ZDHHC9: variants seen among roughly 807,000 people sequenced by gnomAD.
ZDHHC9 encodes zDHHC palmitoyltransferase 9.
A neutral mutation model predicts 26.6 loss-of-function variants in ZDHHC9; 3 were observed. That is an observed-to-expected ratio of 0.11 (90% CI 0.05 to 0.29). The LOEUF is 0.29. Ranked by LOEUF, ZDHHC9 falls within the 10% of genes least tolerant of loss-of-function variation. The probability of loss-of-function intolerance (pLI) is 1.00; values close to 1 mark genes in which losing one functional copy is unlikely to be tolerated. For synonymous variants in ZDHHC9, 111 were observed against 109.4 expected, an observed-to-expected ratio of 1.01 and a Z score of -0.09; for missense variants, 146 against 296.4, an observed-to-expected ratio of 0.49 and a Z score of 3.73.
chrX:129,842,056 A>G lies in ZDHHC9; in HGVS notation c.-111T>C. 1 of 1,002,488 alleles carries G rather than the reference A, an allele frequency of 1.0e-6. No individual in the cohort carries two copies. The highest frequency in any genetic ancestry group is 1.9e-5 in the South Asian group (1 of 51,538). The allele number at this position is 1,002,488 out of a possible 1,213,427, so 82.6% of individuals were successfully genotyped here. ...TGCTATTCCTGCCGCTGGGTCAAAC[A>G]TCATCAAAAGTCCAATTGCTAGCCC... On this transcript the variant is annotated 5_prime_UTR_variant, in exon 3 of 11. It removes an upstream start codon present in the reference 5' UTR. Transcript: ENST00000357166.
intron 5 of ZDHHC9, 127 bp from the exon 6 acceptor site, chrX:129,814,922 T>G (rs1927725884): frequency 6.2e-6 from 1 of 161,900 alleles, no homozygotes; most frequent in Non-Finnish European, 9.4e-6. Context: ...AAATATAGGG[T>G]TTTTTTTTTT....
chrX:129,843,072 C>A (rs1239189696), intron 2 of ZDHHC9, among the ~76,000 whole-genome samples, 187 bp downstream of exon 2: 2 of 112,597 alleles, frequency 1.8e-5, no homozygotes, highest in African/African-American at 6.5e-5. Context: ...ATGCCCCACG[C>A]TGGCAGGACT....
intron 4 of ZDHHC9, among the ~76,000 whole-genome samples, chrX:129,826,986 G>A (rs1015055904): frequency 3.6e-5 from 4 of 111,403 alleles, no homozygotes; most frequent in African/African-American, 1.3e-4. Context: ...TTGAGGTCGG[G>A]AGTTCAAGAC....
At chrX:129,817,921 C>G (rs1012320027) in intron 5 of ZDHHC9, among the ~76,000 whole-genome samples, 1 of 111,629 alleles carries the variant, frequency 9.0e-6, no homozygotes, top group South Asian at 3.7e-4. Context: ...AATGATGCTA[C>G]GAACACTGGC....
chrX:129,835,446 C>CAA (rs59940283), intron 3 of ZDHHC9, among the ~76,000 whole-genome samples: 67 of 54,219 alleles, frequency 1.2e-3, no homozygotes, highest in African/African-American at 3.6e-3. Flanking sequence ...GACCCTATCT[C>CAA]AAAAAAAAAA....
At position 129,803,316 on chromosome X, in the gene ZDHHC9, T is replaced by G. The variant is rs1317739261; in HGVS notation, c.*3054A>C. ...AAAGAAACAGACAGCCCTGTATTTC[T>G]AAAACCATTCAAGGCTCCTTCATTA... On this transcript the variant is annotated 3_prime_UTR_variant, in exon 11 of 11. Coordinates refer to ENST00000357166, the MANE Select transcript of ZDHHC9 (RefSeq NM_016032.4). The G allele has an allele frequency of 8.9e-6, 1 of 111,948 alleles. No homozygotes were observed. Among genetic ancestry groups the G allele is most frequent in the Non-Finnish European group, 1.9e-5 (1 of 53,143 alleles). The allele number at this position is 111,948 out of a possible 1,213,427, so 9.2% of individuals were successfully genotyped here. A position where few individuals can be genotyped will look rare whatever the true frequency, so the allele number is the denominator to read the frequency against.
chrX:129,829,859 C>T (rs1219497245), intron 3 of ZDHHC9, among the ~76,000 whole-genome samples: 1 of 111,554 alleles, frequency 9.0e-6, no homozygotes, highest in African/African-American at 3.3e-5. Context: ...CTGAATATCC[C>T]AACTCTACTC....
At chrX:129,826,510 G>A (rs1156527943) in intron 4 of ZDHHC9, among the ~76,000 whole-genome samples, 1 of 111,960 alleles carries the variant, frequency 8.9e-6, no homozygotes, top group Non-Finnish European at 1.9e-5. Context: ...CCAGTGATCA[G>A]GCAGAAAAGA....
intron 3 of ZDHHC9, among the ~76,000 whole-genome samples, chrX:129,838,378 A>G (rs1289854219): frequency 9.0e-6 from 1 of 111,630 alleles, no homozygotes; most frequent in Non-Finnish European, 1.9e-5. Flanking sequence ...TTCTTCAGAA[A>G]CACCTCTAAC....
chrX:129,830,886 G>A (rs185347847), intron 3 of ZDHHC9, among the ~76,000 whole-genome samples: 2 of 111,773 alleles, frequency 1.8e-5, no homozygotes, highest in Non-Finnish European at 3.8e-5. Context: ...TTTTGATGAA[G>A]GTGCACATAT....
At chrX:129,807,213 G>A (rs1358782788) in intron 10 of ZDHHC9, among the ~76,000 whole-genome samples, 2 of 110,720 alleles carry the variant, frequency 1.8e-5, no homozygotes, top group Non-Finnish European at 3.8e-5. Context: ...TTGGGAGGCC[G>A]AGGCGGGTGG....
At chrX:129,830,323 A>C (rs944014661) in intron 3 of ZDHHC9, among the ~76,000 whole-genome samples, 2 of 111,820 alleles carry the variant, frequency 1.8e-5, no homozygotes, top group African/African-American at 6.5e-5. Context: ...GGATAATAAC[A>C]GTGCTTGATG....
intron 3 of ZDHHC9, 79 bp from the exon 4 acceptor site, chrX:129,829,220 GC>G: frequency 1.8e-6 from 2 of 1,091,961 alleles, no homozygotes; most frequent in Non-Finnish European, 2.5e-6. Flanking sequence ...TGTCAATCTG[GC>G]CCCCACAACA....
intron 5 of ZDHHC9, among the ~76,000 whole-genome samples, chrX:129,818,526 T>C (rs985647756): frequency 1.8e-5 from 2 of 112,597 alleles, no homozygotes; most frequent in South Asian, 3.6e-4. Context: ...ATAATTATGA[T>C]TGCAGTGTTA....
chrX:129,837,319 G>T (rs960016801), intron 3 of ZDHHC9, among the ~76,000 whole-genome samples: 3 of 112,095 alleles, frequency 2.7e-5, no homozygotes, highest in African/African-American at 6.5e-5. Flanking sequence ...AGCTGCGGGG[G>T]ACAACAACAG....
At chrX:129,833,309 C>T (rs1418171448) in intron 3 of ZDHHC9, among the ~76,000 whole-genome samples, 10 of 112,025 alleles carry the variant, frequency 8.9e-5, no homozygotes, top group Non-Finnish European at 1.7e-4. Flanking sequence ...TCCCCTCAGG[C>T]GGCACGGTGG....
chrX:129,823,827 A>G lies in ZDHHC9; in HGVS notation c.339T>C (p.Asn113=). 3 of 1,210,121 alleles carry G rather than the reference A, an allele frequency of 2.5e-6. No homozygotes were observed. The highest frequency in any genetic ancestry group is 3.4e-6 in the Non-Finnish European group (3 of 895,292). ...GTCGCTGGCCCTGGGGCACCGCACC[A>G]TTGGTAGCTTCTGTAAATCAATAAA... ...AFIEMEIEAT[N]GAVPQGQRPP... Residue 113 remains asparagine (N), a synonymous_variant, in exon 5 of 11, where the codon AAT becomes AAC. Transcript: ENST00000357166.
intron 3 of ZDHHC9, among the ~76,000 whole-genome samples, chrX:129,835,124 G>C (rs1928227680): frequency 8.9e-6 from 1 of 112,248 alleles, no homozygotes; most frequent in African/African-American, 3.2e-5. Context: ...TGAAAATGTA[G>C]AGAAATTCTG....
chrX:129,810,884 C>T, intron 10 of ZDHHC9, 21 bp downstream of exon 10: 1 of 1,191,582 alleles, frequency 8.4e-7, no homozygotes, highest in Non-Finnish European at 1.1e-6. Flanking sequence ...ATCGACCCAG[C>T]CTTAAGTCAG....
Sources: allele counts gnomAD v4.1 joint callset (sites outside exome capture counted in the v4.1 genomes callset), GRCh38; gene constraint gnomAD v4.1.1; transcripts MANE v1.5; gene names NCBI Gene and HGNC (gene_info 2026-07-23, HGNC 2026-07-21).